Variants in TTC39B observed in about 807,000 individuals in gnomAD.
TTC39B encodes tetratricopeptide repeat domain 39B, also known as tetratricopeptide repeat protein 39B.
In TTC39B, 92 loss-of-function variants were observed where a neutral mutation model predicts 96.6. The observed-to-expected ratio is 0.95, with a 90% CI of 0.80 to 1.13. The LOEUF (loss-of-function observed/expected upper bound fraction) is 1.13. Ranked by LOEUF, TTC39B falls within the 50% of genes most tolerant of loss-of-function variation. The pLI is 0.00. For missense variants in TTC39B, 955 were observed against 809.3 expected (o/e 1.18, Z -2.18); for synonymous variants, 367 against 299.4 (o/e 1.23, Z -2.33).
intron 2 of TTC39B, among the ~76,000 whole-genome samples, chr9:15,229,050 A>AT (rs1011818579): frequency 2.0e-5 from 3 of 152,196 alleles, no homozygotes; most frequent in Admixed American, 6.5e-5. Context: ...ATTAAACAGG[A>AT]TTTTTTTAGA....
chr9:15,294,601 C>G (rs1323992962), intron 1 of TTC39B, among the ~76,000 whole-genome samples: 2 of 152,154 alleles, frequency 1.3e-5, no homozygotes, highest in Admixed American at 6.5e-5. Context: ...GTTTACTGCT[C>G]TCTTTTGTGT....
chr9:15,280,976 T>C (rs1823739964), intron 1 of TTC39B, among the ~76,000 whole-genome samples: 1 of 152,174 alleles, frequency 6.6e-6, no homozygotes, highest in South Asian at 2.1e-4. Flanking sequence ...AATGCAATTA[T>C]CCCAAACAGT....
exon 14 of TTC39B, chr9:15,188,111 A>T: frequency 6.2e-7 from 1 of 1,604,222 alleles, no homozygotes; most frequent in Non-Finnish European, 8.5e-7. Context: ...ACTGAAATGC[A>T]TTTTTGAAAT....
At chr9:15,165,681 G>C (rs2118267257) in exon 20 of TTC39B, 1 of 152,344 alleles carries the variant, frequency 6.6e-6, no homozygotes, top group South Asian at 2.1e-4. Context: ...GGAAAGAGAA[G>C]TGCTGAGCAA....
At chr9:15,230,077 T>A (rs1405643554) in intron 2 of TTC39B, among the ~76,000 whole-genome samples, 1 of 152,222 alleles carries the variant, frequency 6.6e-6, no homozygotes, top group African/African-American at 2.4e-5. Flanking sequence ...TGCACTGATA[T>A]GCATGTACCC....
chr9:15,231,267 C>G (rs1048556212), intron 2 of TTC39B, among the ~76,000 whole-genome samples: 1 of 152,080 alleles, frequency 6.6e-6, no homozygotes, highest in African/African-American at 2.4e-5. Context: ...CCTACCCCAG[C>G]CTCCCAGAGT....
intron 16 of TTC39B, among the ~76,000 whole-genome samples, chr9:15,182,728 T>A (rs1345149087): frequency 6.6e-6 from 1 of 152,206 alleles, no homozygotes; most frequent in African/African-American, 2.4e-5. Flanking sequence ...ATAATTCTGT[T>A]TAATGTAAAC....
chr9:15,181,625 G>C (rs574429727), intron 17 of TTC39B, among the ~76,000 whole-genome samples: 1 of 152,270 alleles, frequency 6.6e-6, no homozygotes, highest in Middle Eastern at 3.4e-3. Flanking sequence ...AAATGTAATG[G>C]GTAGAATAAA....
intron 2 of TTC39B, among the ~76,000 whole-genome samples, chr9:15,250,387 T>C (rs1055498516): frequency 2.0e-5 from 3 of 151,916 alleles, no homozygotes; most frequent in East Asian, 1.9e-4. Flanking sequence ...CAGGGATTCA[T>C]GTCCTATCTA....
intron 1 of TTC39B, among the ~76,000 whole-genome samples, chr9:15,296,181 G>A (rs780770968): frequency 5.3e-5 from 8 of 152,182 alleles, no homozygotes; most frequent in African/African-American, 7.2e-5. Flanking sequence ...TGGTCCTGCT[G>A]CCCACACGAG....
exon 20 of TTC39B, chr9:15,163,760 A>G (rs1487540758): frequency 1.3e-5 from 2 of 152,242 alleles, no homozygotes; most frequent in Non-Finnish European, 2.9e-5. Flanking sequence ...CTGTGATACT[A>G]CGGAATGAAA....
chr9:15,272,097 G>C (rs989054059), intron 1 of TTC39B, among the ~76,000 whole-genome samples: 1 of 152,090 alleles, frequency 6.6e-6, no homozygotes, highest in East Asian at 1.9e-4. Flanking sequence ...TGTCTGTCTT[G>C]GTCCCCACAC....
chr9:15,261,084 A>G (rs1196500131), intron 2 of TTC39B, among the ~76,000 whole-genome samples: 1 of 152,236 alleles, frequency 6.6e-6, no homozygotes, highest in Non-Finnish European at 1.5e-5. Flanking sequence ...TCTCTAAACT[A>G]CCATGAAAAG....
At chr9:15,211,233 G>A (rs781401288) in intron 5 of TTC39B, 33 bp downstream of exon 5, 4 of 1,425,894 alleles carry the variant, frequency 2.8e-6, no homozygotes, top group Non-Finnish European at 3.7e-6. Context: ...AAAGTTTGCA[G>A]TCACATCTTA....
intron 8 of TTC39B, among the ~76,000 whole-genome samples, chr9:15,197,580 A>C (rs955138937): frequency 2.0e-5 from 3 of 152,198 alleles, no homozygotes; most frequent in Non-Finnish European, 4.4e-5. Context: ...ACACAGTGGA[A>C]AATGAAGGGA....
intron 2 of TTC39B, among the ~76,000 whole-genome samples, chr9:15,247,747 C>T (rs1023166661): frequency 1.3e-5 from 2 of 151,776 alleles, no homozygotes; most frequent in Non-Finnish European, 2.9e-5. Context: ...GTTAGGAAGA[C>T]CTCTGGGCAT....
intron 2 of TTC39B, among the ~76,000 whole-genome samples, chr9:15,227,170 C>T (rs181085596): frequency 2.9e-4 from 44 of 151,994 alleles, no homozygotes; most frequent in Middle Eastern, 3.4e-3. Flanking sequence ...AGCCAGGTAT[C>T]GTGGCGCATG....
At chr9:15,230,619 T>C (rs1463229890) in intron 2 of TTC39B, among the ~76,000 whole-genome samples, 2 of 152,212 alleles carry the variant, frequency 1.3e-5, no homozygotes, top group African/African-American at 2.4e-5. Flanking sequence ...TTGTTAGTCA[T>C]TTGTTGATAA....
intron 6 of TTC39B, among the ~76,000 whole-genome samples, chr9:15,208,671 G>A (rs547944725): frequency 3.9e-4 from 59 of 152,240 alleles, no homozygotes; most frequent in South Asian, 1.0e-3. Flanking sequence ...GTCAGTTTCT[G>A]GAGAAAAAGA....
Sources: allele counts gnomAD v4.1 joint callset (sites outside exome capture counted in the v4.1 genomes callset), GRCh38; gene constraint gnomAD v4.1.1; transcripts MANE v1.5; gene names NCBI Gene and HGNC (gene_info 2026-07-23, HGNC 2026-07-21).